Variants in DHRS7C observed in about 807,000 individuals in gnomAD.
DHRS7C encodes dehydrogenase/reductase 7C.
In DHRS7C, 28 loss-of-function variants were observed where a neutral mutation model predicts 29.6. That is an observed-to-expected ratio of 0.95 (90% CI 0.70 to 1.30). DHRS7C has a LOEUF of 1.30. Ranked by LOEUF, DHRS7C falls within the 50% of genes most tolerant of loss-of-function variation. The pLI is 0.00. For missense variants in DHRS7C, 403 were observed against 393.3 expected, an observed-to-expected ratio of 1.02 and a Z score of -0.21; for synonymous variants, 158 against 160.2, an observed-to-expected ratio of 0.99 and a Z score of 0.10.
chr17:9,776,783 T>G (rs1460506050), intron 4 of DHRS7C, among the ~76,000 whole-genome samples: 1 of 152,214 alleles, frequency 6.6e-6, no homozygotes, highest in Non-Finnish European at 1.5e-5. Flanking sequence ...CCTCCCATTT[T>G]GTGATGTGCA....
intron 3 of DHRS7C, 126 bp downstream of exon 3, chr17:9,779,699 G>C (rs2066382437): frequency 1.2e-5 from 11 of 937,128 alleles, no homozygotes; most frequent in Non-Finnish European, 1.6e-5. Context: ...TCACCCAATA[G>C]GTAGGGAATT....
rs1175580758 is a variant in DHRS7C at position 9,771,592 on chromosome 17, T to A, written c.832A>T (p.Ile278Phe). 3 of 1,598,460 alleles carry A rather than the reference T, an allele frequency of 1.9e-6. No individual in the cohort carries two copies. In the Admixed American group the frequency reaches 5.1e-5, roughly 27 times the overall value. The change falls in exon 6 of 6, where the codon ATC (isoleucine) becomes TTC (phenylalanine). Residue 278 changes from isoleucine (I) to phenylalanine (F), a missense_variant. By Grantham distance (21) the Ile-to-Phe change is conservative (BLOSUM62 0). Coordinates refer to ENST00000571134, the MANE Select transcript of DHRS7C (RefSeq NM_001105571.3). ...CGGACGTACACGGCGGCCTTGGGGA[T>A]GGGGTTGGCCATAAACACCTCTTGC... ...KKQEVFMANPIPKAAVYVRTF... is the reference protein window; with the variant it reads ...KKQEVFMANPFPKAAVYVRTF...
rs1221785148 is a variant in DHRS7C at position 9,774,581 on chromosome 17, G to A, written c.572-1659C>T. Among the ~76,000 whole-genome samples the A allele has an allele frequency of 2.0e-5, 3 of 152,214 alleles. No homozygotes were observed. The highest frequency in any genetic ancestry group is 7.2e-5 in the African/African-American group (3 of 41,446). ...TTGCAGGTATGAGCCACTGTGCCCG[G>A]CCCCATGTGGCATGGTTAATGCAGG... On this transcript the variant is annotated intron_variant, in intron 4 of 5. Transcript: ENST00000571134. This position sits in a 1 kb window ranked among gnomAD's most constrained non-coding sequence, Gnocchi z 5.0.
Position 9,774,876 on chromosome 17 carries a change from G to A in DHRS7C, c.572-1954C>T, listed in dbSNP as rs1241821109. Among the ~76,000 whole-genome samples the A allele has an allele frequency of 2.6e-5, 4 of 152,144 alleles. No individual in the cohort carries two copies. The highest frequency in any genetic ancestry group is 5.9e-5 in the Non-Finnish European group (4 of 68,038). On this transcript the variant is annotated intron_variant, in intron 4 of 5. Coordinates refer to ENST00000571134, the MANE Select transcript of DHRS7C (RefSeq NM_001105571.3). The surrounding 1 kb of genome is among the most constrained non-coding windows in gnomAD (Gnocchi z 5.0). ...AGAAGAGAATTTGGGGCCAGTCCAG[G>A]GTGGCATGGCTTCAGTTCTGACATT...
chr17:9,779,809 G>T lies in DHRS7C; in HGVS notation c.478+16C>A. Reference sequence around the variant, plus strand: ...TGGTGGCCCAGATACCCATGGGAAAGTCAAACTCACGAGACCTTTCGTCAA... The same window carrying T: ...TGGTGGCCCAGATACCCATGGGAAATTCAAACTCACGAGACCTTTCGTCAA... On this transcript the variant is annotated intron_variant, in intron 3 of 5. Transcript: ENST00000571134. 6.2e-7 allele frequency: 1 copy of T among 1,604,858 alleles called. No individual in the cohort carries two copies. The highest frequency in any genetic ancestry group is 8.5e-7 in the Non-Finnish European group (1 of 1,175,340).
At chr17:9,790,529 G>A (rs998238397) in intron 1 of DHRS7C, among the ~76,000 whole-genome samples, 2 of 152,224 alleles carry the variant, frequency 1.3e-5, no homozygotes, top group Non-Finnish European at 2.9e-5. Flanking sequence ...AGGGATGGGT[G>A]GGGTGTGTGG....
intron 1 of DHRS7C, among the ~76,000 whole-genome samples, chr17:9,785,581 G>A (rs1430028790): frequency 6.6e-6 from 1 of 152,158 alleles, no homozygotes; most frequent in Non-Finnish European, 1.5e-5. Flanking sequence ...AGGGTTGGTG[G>A]GGAGTAGACT....
intron 5 of DHRS7C, among the ~76,000 whole-genome samples, 195 bp from the exon 6 acceptor site, chr17:9,771,891 T>G (rs2066331393): frequency 6.6e-6 from 1 of 152,214 alleles, no homozygotes; most frequent in Admixed American, 6.5e-5. Flanking sequence ...TCCTTCTGCG[T>G]CTTCGTCTAT....
At chr17:9,773,513 T>C (rs1339805815) in intron 4 of DHRS7C, among the ~76,000 whole-genome samples, 2 of 152,100 alleles carry the variant, frequency 1.3e-5, no homozygotes, top group African/African-American at 4.8e-5. Context: ...AGAGTGGACA[T>C]TGCTTAGAGC....
chr17:9,778,770 G>C (rs569323689), intron 3 of DHRS7C, among the ~76,000 whole-genome samples: 54 of 152,162 alleles, frequency 3.5e-4, no homozygotes, highest in Admixed American at 2.4e-3. Context: ...CATGGGAGCT[G>C]GTTGTAGAGA....
intron 4 of DHRS7C, 40 bp from the exon 5 acceptor site, chr17:9,772,962 C>T: frequency 1.2e-6 from 2 of 1,605,242 alleles, no homozygotes; most frequent in Non-Finnish European, 8.5e-7. Context: ...CAGGACACTC[C>T]CGGCCCTGCT....
In DHRS7C at chr17:9,774,998, C is replaced by A. The variant is rs556664360; in HGVS notation, c.572-2076G>T. Among the ~76,000 whole-genome samples the A allele has an allele frequency of 8.5e-5, 13 of 152,224 alleles. No individual in the cohort carries two copies. The East Asian group carries it at 2.5e-3, about 29-fold the overall frequency. ...ACAGCCTTGAGAGAATTCTGAGTCC[C>A]CAATACTGTGTTTTGCAAATGTTCC... On this transcript the variant is annotated intron_variant, in intron 4 of 5. Transcript: ENST00000571134. This position sits in a 1 kb window ranked among gnomAD's most constrained non-coding sequence, Gnocchi z 5.0.
intron 2 of DHRS7C, 51 bp downstream of exon 2, chr17:9,781,431 G>A (rs2066392121): frequency 6.4e-7 from 1 of 1,554,730 alleles, no homozygotes; most frequent in Non-Finnish European, 8.9e-7. Context: ...ACAATCAATG[G>A]AGGCTGGGAG....
rs1487674275 is a variant in DHRS7C at position 9,772,796 on chromosome 17, T to G, written c.698A>C (p.Gln233Pro). Residue 233 changes from glutamine to proline, a missense_variant, in exon 5 of 6, where the codon CAA becomes CCA. Coordinates refer to ENST00000571134, the MANE Select transcript of DHRS7C (RefSeq NM_001105571.3). ...FIRSYHVYPE[Q>P]GNWEASIWKF... ...CCAAATGGAAGCTTCCCAGTTTCCT[T>G]GCTCTGGATACACGTGGTACGACCG... is the stretch of plus-strand genomic sequence containing the variant. 2 of 1,613,808 alleles carry G rather than the reference T, an allele frequency of 1.2e-6. No individual in the cohort carries two copies. Among genetic ancestry groups the G allele is most frequent in the Non-Finnish European group, 1.7e-6 (2 of 1,179,864 alleles).
chr17:9,789,985 A>G (rs1369445266), intron 1 of DHRS7C, among the ~76,000 whole-genome samples: 1 of 152,186 alleles, frequency 6.6e-6, no homozygotes, highest in East Asian at 1.9e-4. Flanking sequence ...TATCTGCCTT[A>G]TGCTTTGTTT....
intron 5 of DHRS7C, 118 bp downstream of exon 5, chr17:9,772,649 C>T: frequency 3.8e-6 from 5 of 1,333,018 alleles, no homozygotes; most frequent in Non-Finnish European, 5.0e-6. Context: ...GAGCCTCCTC[C>T]ACCCCCATCC....
At chr17:9,779,794 G>T (rs751107504) in intron 3 of DHRS7C, 31 bp downstream of exon 3, 3 of 1,591,146 alleles carry the variant, frequency 1.9e-6, no homozygotes, top group South Asian at 1.1e-5. Context: ...TGGTGGCCCA[G>T]ATACCCATGG....
chr17:9,776,878 G>A (rs1294755192), intron 4 of DHRS7C, among the ~76,000 whole-genome samples: 2 of 152,156 alleles, frequency 1.3e-5, no homozygotes, highest in African/African-American at 2.4e-5. Context: ...CTACGACTGT[G>A]CATCTTTCTC....
At chr17:9,771,742 C>T (rs1442703539) in intron 5 of DHRS7C, 46 bp from the exon 6 acceptor site, 1 of 1,365,484 alleles carries the variant, frequency 7.3e-7, no homozygotes, top group African/African-American at 1.5e-5. Context: ...TCCGTGGGGA[C>T]CCGGCTGGTC....
Sources: gnomAD v4.1 joint callset for allele counts (sites outside exome capture counted in the v4.1 genomes callset) on GRCh38, gnomAD v4.1.1 for gene constraint, Gnocchi (gnomAD v3.1) non-coding constraint, MANE v1.5 for transcripts, NCBI Gene and HGNC (gene_info 2026-07-23, HGNC 2026-07-21) for gene names.